The following UNC5B variants were observed in gnomAD, a reference collection of about 807,000 sequenced individuals.
The protein encoded by UNC5B is netrin receptor UNC5B.
UNC5B carries 56 observed loss-of-function variants against 103.7 expected under a neutral mutation model. The observed-to-expected ratio is 0.54, with a 90% CI of 0.44 to 0.67. UNC5B has a LOEUF of 0.67. Ranked by LOEUF, UNC5B falls within the 30% of genes least tolerant of loss-of-function variation. The probability of loss-of-function intolerance (pLI) is 0.00; values close to 1 mark genes in which losing one functional copy is unlikely to be tolerated. For missense variants in UNC5B, 1,194 were observed against 1,284.5 expected (o/e 0.93, Z 1.08); for synonymous variants, 577 against 542.0 (o/e 1.06, Z -0.90).
chr10:71,244,444 A>G (rs1843977059), intron 1 of UNC5B, among the ~76,000 whole-genome samples: 1 of 152,188 alleles, frequency 6.6e-6, no homozygotes, highest in Admixed American at 6.5e-5. Context: ...TTTACAGTAA[A>G]TATCAGTTGG....
At chr10:71,294,500 A>G (rs995050142) in intron 13 of UNC5B, among the ~76,000 whole-genome samples, 2 of 151,938 alleles carry the variant, frequency 1.3e-5, no homozygotes, top group African/African-American at 2.4e-5. Flanking sequence ...CTGTGGCTAT[A>G]CTTGGGTGGG....
chr10:71,265,080 C>T (rs567351223), intron 1 of UNC5B, among the ~76,000 whole-genome samples: 61 of 152,082 alleles, frequency 4.0e-4, no homozygotes, highest in African/African-American at 1.5e-3. Context: ...TCTCCCTGTG[C>T]CTGCAAACTG....
At chr10:71,236,280 C>A (rs1843772909) in intron 1 of UNC5B, among the ~76,000 whole-genome samples, 1 of 152,212 alleles carries the variant, frequency 6.6e-6, no homozygotes, top group Non-Finnish European at 1.5e-5. Flanking sequence ...GAGTTCCCCT[C>A]TGTGAGAATG....
chr10:71,291,100 G>C lies in UNC5B; in HGVS notation c.1285G>C (p.Ala429Pro). The stretch of plus-strand genomic sequence containing the variant: ...TTTCCACCCCGTCAACTTTAAGACG[G>C]CAAGGCCCAGTAAGAACCCGAGGAT... ...GGFHPVNFKT[A>P]RPSNPQLLHP... Residue 429 changes from alanine to proline, a missense_variant, in exon 9 of 17, where the codon GCA becomes CCA. Transcript: ENST00000335350. 6 of 1,613,300 alleles carry C rather than the reference G, an allele frequency of 3.7e-6. No homozygotes were observed. Among genetic ancestry groups the C allele is most frequent in the Non-Finnish European group, 4.2e-6 (5 of 1,179,394 alleles).
In UNC5B at chr10:71,296,643, G is replaced by A. The variant is rs1223834459; in HGVS notation, c.2391G>A (p.Glu797=). ...CCCTCCACTGCACTTTCACCCTGGA[G>A]AGGCACAGCTTGGCCTCCACAGAGC... ...QKALHCTFTL[E]RHSLASTELT... Residue 797 remains glutamate (E), a synonymous_variant, in exon 15 of 17, where the codon GAG becomes GAA. Transcript: ENST00000335350. The A allele has an allele frequency of 1.2e-6, 2 of 1,613,984 alleles. No homozygotes were observed. The highest frequency in any genetic ancestry group is 1.7e-6 in the Non-Finnish European group (2 of 1,180,052).
intron 1 of UNC5B, among the ~76,000 whole-genome samples, chr10:71,261,375 C>T (rs928548429): frequency 1.3e-5 from 2 of 152,114 alleles, no homozygotes; most frequent in Non-Finnish European, 2.9e-5. Flanking sequence ...GCCAGGTGGC[C>T]GTGCATTTGC....
intron 2 of UNC5B, among the ~76,000 whole-genome samples, chr10:71,282,795 G>A (rs989370276): frequency 6.6e-6 from 1 of 152,190 alleles, no homozygotes; most frequent in East Asian, 1.9e-4. Flanking sequence ...GAGAGTTACA[G>A]CAATGACTTC....
In UNC5B at chr10:71,298,051, A is replaced by G. The variant is rs569896402; in HGVS notation, c.2633A>G (p.Asn878Ser). The change falls in exon 16 of 17, where the codon AAT becomes AGT. Residue 878 changes from asparagine (N) to serine (S), a missense_variant. Physicochemically the swap from Asn to Ser is conservative, Grantham distance 46. Coordinates refer to ENST00000335350, the MANE Select transcript of UNC5B (RefSeq NM_170744.5). ...CTAGATGCCCCCAACTCACGGGGCA[A>G]TGACTGGCGGATGTTAGCACAGAAG... ...NSLDAPNSRG[N>S]DWRMLAQKLS... is the part of the protein sequence containing the mutation. 89 of 1,613,338 alleles carry G rather than the reference A, an allele frequency of 5.5e-5. No individual in the cohort carries two copies. The highest frequency in any genetic ancestry group is 5.5e-4 in the Admixed American group (33 of 59,942).
At chr10:71,243,051 G>C (rs1204046269) in intron 1 of UNC5B, among the ~76,000 whole-genome samples, 1 of 152,086 alleles carries the variant, frequency 6.6e-6, no homozygotes, top group African/African-American at 2.4e-5. Flanking sequence ...TGGCCAACAG[G>C]CTGTATTTTG....
At chr10:71,270,349 A>AGGGAGGGAGGGAGGGT (rs1844613887) in intron 1 of UNC5B, among the ~76,000 whole-genome samples, 1 of 2,062 alleles carries the variant, frequency 4.8e-4, no homozygotes, top group Non-Finnish European at 1.8e-3. Context: ...GAAGGGAGGG[A>AGGGAGGGAGGGAGGGT]GGGAGGGAGG....
At chr10:71,225,592 C>T (rs536906352) in intron 1 of UNC5B, among the ~76,000 whole-genome samples, 6 of 152,318 alleles carry the variant, frequency 3.9e-5, no homozygotes, top group Admixed American at 6.5e-5. Flanking sequence ...TCTGCCATGC[C>T]CACCAGAAGT....
At chr10:71,291,368 C>T in intron 9 of UNC5B, 64 bp from the exon 10 acceptor site, 1 of 1,523,850 alleles carries the variant, frequency 6.6e-7, no homozygotes, top group South Asian at 1.3e-5. Flanking sequence ...TGGGATTTTG[C>T]AGTGGGAGCT....
At position 71,295,880 on chromosome 10, in the gene UNC5B, G is replaced by A. The variant is rs1845397344; in HGVS notation, c.2245G>A (p.Asp749Asn). 6.2e-7 allele frequency: 1 copy of A among 1,613,358 alleles called. No individual in the cohort carries two copies. Among genetic ancestry groups the A allele is most frequent in the Non-Finnish European group, 8.5e-7 (1 of 1,180,020 alleles). ...GGAGCCGAAACCGCTAATGTTCAAGGACAGTTACCACAACCTGCGCCTCTC... is the reference window on the plus strand; with the variant it reads ...GGAGCCGAAACCGCTAATGTTCAAGAACAGTTACCACAACCTGCGCCTCTC... ...VEEPKPLMFK[D>N]SYHNLRLSLH... The change falls in exon 14 of 17, where the codon GAC (aspartate) becomes AAC (asparagine). Residue 749 changes from aspartate (D) to asparagine (N), a missense_variant. Asp to Asn is a conservative substitution (Grantham distance 23). Transcript: ENST00000335350.
chr10:71,272,442 C>T (rs1189202833), intron 1 of UNC5B, among the ~76,000 whole-genome samples: 3 of 152,196 alleles, frequency 2.0e-5, no homozygotes, highest in African/African-American at 4.8e-5. Flanking sequence ...CAGACCACAG[C>T]AGCCTCCCTC....
chr10:71,233,501 C>A (rs568331549), intron 1 of UNC5B, among the ~76,000 whole-genome samples: 1 of 152,326 alleles, frequency 6.6e-6, no homozygotes, highest in African/African-American at 2.4e-5. Flanking sequence ...GTCACCCGTC[C>A]CTATACTCCC....
intron 13 of UNC5B, among the ~76,000 whole-genome samples, chr10:71,294,611 T>C (rs1845359488): frequency 6.6e-6 from 1 of 151,976 alleles, no homozygotes; most frequent in South Asian, 2.1e-4. Context: ...CTGCGTGTGC[T>C]CAGTCAAATG....
At position 71,292,505 on chromosome 10, in the gene UNC5B, G is replaced by A; in HGVS notation, c.1723G>A (p.Gly575Ser). ...GGTGCCCAATGGAGCCATTCCCCAG[G>A]GCAAGTTCTACGAGATGTATCTACT... ...LLVPNGAIPQ[G>S]KFYEMYLLIN... Residue 575 changes from glycine to serine, a missense_variant, in exon 11 of 17, where the codon GGC becomes AGC. Transcript: ENST00000335350. 1 of 1,606,008 alleles carries A rather than the reference G, an allele frequency of 6.2e-7. No homozygotes were observed. Among genetic ancestry groups the A allele is most frequent in the Non-Finnish European group, 8.5e-7 (1 of 1,176,518 alleles).
At chr10:71,260,377 C>G (rs1844388583) in intron 1 of UNC5B, among the ~76,000 whole-genome samples, 1 of 152,220 alleles carries the variant, frequency 6.6e-6, no homozygotes, top group Admixed American at 6.5e-5. Context: ...GCACGGAGGC[C>G]TCTAATGGCA....
chr10:71,250,261 C>T (rs892778951), intron 1 of UNC5B, among the ~76,000 whole-genome samples: 4 of 152,204 alleles, frequency 2.6e-5, no homozygotes, highest in East Asian at 1.9e-4. Flanking sequence ...GGGATGACCC[C>T]GAGCCTCCGG....
Sources: allele counts gnomAD v4.1 joint callset (sites outside exome capture counted in the v4.1 genomes callset), GRCh38; gene constraint gnomAD v4.1.1; transcripts MANE v1.5; gene names NCBI Gene and HGNC (gene_info 2026-07-23, HGNC 2026-07-21).